ZFHX3: variants seen among roughly 807,000 people sequenced by gnomAD.
The protein encoded by ZFHX3 is zinc finger homeobox protein 3.
In ZFHX3, 42 loss-of-function variants were observed where a neutral mutation model predicts 279.1. The ratio of observed to expected loss-of-function variants is 0.15; its 90% CI spans 0.12 to 0.19. The LOEUF (loss-of-function observed/expected upper bound fraction) is 0.19. ZFHX3 is among the 10% of genes least tolerant of loss of function. The pLI, the probability that ZFHX3 is intolerant of heterozygous loss-of-function variation, is 1.00. For synonymous variants in ZFHX3, 2,293 were observed against 1,957.8 expected (o/e 1.17, Z -4.52); for missense variants, 4,981 against 4,754.0 (o/e 1.05, Z -1.40).
chr16:72,871,799 G>C (rs908419279), intron 4 of ZFHX3, among the ~76,000 whole-genome samples: 1 of 148,670 alleles, frequency 6.7e-6, no homozygotes, highest in African/African-American at 2.5e-5. Context: ...ATTTTTTAAG[G>C]AATTGGCTGG....
At chr16:72,894,819 C>T (rs2038858077) in intron 3 of ZFHX3, among the ~76,000 whole-genome samples, 1 of 152,210 alleles carries the variant, frequency 6.6e-6, no homozygotes, top group Admixed American at 6.5e-5. Flanking sequence ...TTCTCCCACG[C>T]AAATCCTGAA....
rs375370132 is a variant in ZFHX3, at chr16:72,788,773, C to G, written c.9503G>C (p.Gly3168Ala). The G allele has an allele frequency of 1.3e-6, 2 of 1,558,594 alleles. No homozygotes were observed. Among genetic ancestry groups the G allele is most frequent in the Non-Finnish European group, 8.7e-7 (1 of 1,154,468 alleles). ...CGCTGAGGACGGTTTATTTGGTAAT[C>G]CAGAAGTGGGGAGGCCAGGGGAAGG... ...TVPSPGLPTS[G>A]LPNKPSSASL... The change falls in exon 10 of 10, where the codon GGA becomes GCA. Residue 3168 changes from glycine to alanine, a missense_variant. Around this residue, in one of 7 missense-constraint regions of ZFHX3, gnomAD observed 1,034 missense variants for 786.0 expected, o/e 1.32. Coordinates refer to ENST00000268489, the MANE Select transcript of ZFHX3 (RefSeq NM_006885.4).
At chr16:73,073,448 A>C (rs573168329) in intron 8 of ZFHX3, among the ~76,000 whole-genome samples, 57 of 152,292 alleles carry the variant, frequency 3.7e-4, no homozygotes, top group African/African-American at 1.2e-3. Flanking sequence ...CATTTTGTAC[A>C]AGTTCTAATT....
chr16:73,100,111 C>T (rs1412236313), intron 7 of ZFHX3, among the ~76,000 whole-genome samples: 3 of 152,152 alleles, frequency 2.0e-5, no homozygotes, highest in Non-Finnish European at 4.4e-5. Context: ...AATTCCGGGG[C>T]TCCACCATTG....
chr16:73,627,195 T>C (rs777637753), intron 2 of ZFHX3, among the ~76,000 whole-genome samples: 3 of 152,156 alleles, frequency 2.0e-5, no homozygotes, highest in Non-Finnish European at 4.4e-5. Context: ...AACACAGATG[T>C]AGGCAATAGC....
intron 1 of ZFHX3, among the ~76,000 whole-genome samples, chr16:72,967,398 G>C (rs934094438): frequency 2.6e-5 from 4 of 151,948 alleles, no homozygotes; most frequent in African/African-American, 4.8e-5. Context: ...AAAATTAAGT[G>C]ACAGTAAGTG....
At chr16:73,035,360 C>T (rs536818781) in intron 1 of ZFHX3, among the ~76,000 whole-genome samples, 13 of 152,274 alleles carry the variant, frequency 8.5e-5, no homozygotes, top group South Asian at 2.1e-4. Context: ...GTTTCAGAAC[C>T]TCTGCCTGTC....
At chr16:73,271,989 T>A (rs1487346771) in intron 4 of ZFHX3, among the ~76,000 whole-genome samples, 1 of 152,212 alleles carries the variant, frequency 6.6e-6, no homozygotes, top group African/African-American at 2.4e-5. Flanking sequence ...GCTAACATTT[T>A]TTGAATGTCT....
Position 72,881,518 on chromosome 16 carries a change from C to T in ZFHX3, c.3448+8213G>A, listed in dbSNP as rs536399942. 2.0e-5 allele frequency among the ~76,000 whole-genome samples: 3 copies of T among 152,304 alleles called. No individual in the cohort carries two copies. In the South Asian group the frequency reaches 6.2e-4, roughly 32 times the overall value. ...GAGAGATAGATGCATGTTCTATTTC[C>T]TCCCTGGCCCCTACCAAGGTCGGGA... is the stretch of plus-strand genomic sequence containing the variant. On this transcript the variant is annotated intron_variant, in intron 4 of 9. Coordinates refer to ENST00000268489, the MANE Select transcript of ZFHX3 (RefSeq NM_006885.4).
chr16:73,197,924 GTTTTTTTTT>G (rs71156148), intron 5 of ZFHX3, among the ~76,000 whole-genome samples: 7 of 53,782 alleles, frequency 1.3e-4, no homozygotes, highest in Non-Finnish European at 2.3e-4. Flanking sequence ...TGATTTGGTG[GTTTTTTTTT>G]TTTTTTTTTT....
intron 5 of ZFHX3, among the ~76,000 whole-genome samples, chr16:73,179,580 G>T (rs375839355): frequency 1.8e-4 from 27 of 152,210 alleles, no homozygotes; most frequent in African/African-American, 6.3e-4. Context: ...TTTTGTAGAG[G>T]GCTCAAACTG....
At chr16:73,728,009 A>T in intron 1 of ZFHX3, among the ~76,000 whole-genome samples, 1 of 53,870 alleles carries the variant, frequency 1.9e-5, no homozygotes, top group South Asian at 1.0e-3. Flanking sequence ...TTATGAGCCG[A>T]ATTGTGCCCC....
intron 1 of ZFHX3, among the ~76,000 whole-genome samples, chr16:72,981,715 A>T (rs1039324177): frequency 2.6e-5 from 4 of 152,014 alleles, no homozygotes; most frequent in Non-Finnish European, 5.9e-5. Context: ...TCCAACTTCA[A>T]TACGCATCAC....
intron 3 of ZFHX3, among the ~76,000 whole-genome samples, chr16:72,899,306 G>T (rs557404249): frequency 1.3e-4 from 20 of 152,182 alleles, no homozygotes; most frequent in Admixed American, 8.5e-4. Context: ...TGCTGTTCTT[G>T]TGACAGCGAG....
At chr16:72,842,529 A>T (rs2037370168) in intron 4 of ZFHX3, among the ~76,000 whole-genome samples, 1 of 152,236 alleles carries the variant, frequency 6.6e-6, no homozygotes, top group Non-Finnish European at 1.5e-5. Context: ...GTGAAGATGA[A>T]CTAATCAAAG....
At chr16:73,568,703 G>A (rs58216295) in intron 2 of ZFHX3, among the ~76,000 whole-genome samples, 1,638 of 152,316 alleles carry the variant, frequency 0.011, 30 homozygotes, top group African/African-American at 0.038. Flanking sequence ...CGAGGCTGCA[G>A]CATGGAGCTG....
At chr16:73,073,352 G>C (rs1965847656) in intron 8 of ZFHX3, among the ~76,000 whole-genome samples, 1 of 152,160 alleles carries the variant, frequency 6.6e-6, no homozygotes, top group Non-Finnish European at 1.5e-5. Flanking sequence ...GGAAGAGGTC[G>C]GTCATAGATA....
intron 1 of ZFHX3, among the ~76,000 whole-genome samples, chr16:73,872,651 T>C (rs936329261): frequency 6.8e-6 from 1 of 147,674 alleles, no homozygotes; most frequent in African/African-American, 2.5e-5. Context: ...ACACCTTTCA[T>C]GGTATGAAAC....
chr16:73,703,347 A>G (rs1407757124), intron 1 of ZFHX3, among the ~76,000 whole-genome samples: 1 of 152,180 alleles, frequency 6.6e-6, no homozygotes. Flanking sequence ...CATGACTACC[A>G]TTAAAACAAT....
Sources: allele counts gnomAD v4.1 joint callset (sites outside exome capture counted in the v4.1 genomes callset), GRCh38; gene constraint gnomAD v4.1.1; regional missense constraint gnomAD v4.1.1; transcripts MANE v1.5; gene names NCBI Gene and HGNC (gene_info 2026-07-23, HGNC 2026-07-21).